Variants in GRB14 observed in about 807,000 individuals in gnomAD.
GRB14 encodes growth factor receptor-bound protein 14.
A neutral mutation model predicts 69.1 loss-of-function variants in GRB14; 38 were observed. That is an observed-to-expected ratio of 0.55 (90% confidence interval 0.42 to 0.72). The LOEUF (loss-of-function observed/expected upper bound fraction) is 0.72, where lower values mean the gene tolerates loss of function less well. Among genes scored for constraint, GRB14 ranks in the 30% least tolerant of loss-of-function variants. GRB14 has a pLI of 0.00. For synonymous variants in GRB14, 247 were observed against 241.3 expected (o/e 1.02, Z -0.22); for missense variants, 666 against 666.1 (o/e 1.00, Z 0.00).
At chr2:164,610,997 G>C (rs1248880683) in intron 2 of GRB14, among the ~76,000 whole-genome samples, 1 of 151,700 alleles carries the variant, frequency 6.6e-6, no homozygotes, top group Non-Finnish European at 1.5e-5. Flanking sequence ...AGGAGCCAGG[G>C]AAATAGGTTC....
At chr2:164,512,555 G>A (rs1335806935) in intron 6 of GRB14, among the ~76,000 whole-genome samples, 2 of 152,238 alleles carry the variant, frequency 1.3e-5, no homozygotes, top group Non-Finnish European at 2.9e-5. Flanking sequence ...TGCCCTGAGG[G>A]AAGGACACAA....
intron 2 of GRB14, among the ~76,000 whole-genome samples, chr2:164,609,931 T>G (rs1690127842): frequency 1.3e-5 from 2 of 152,310 alleles, no homozygotes; most frequent in South Asian, 4.1e-4. Flanking sequence ...AGAAAGAGGC[T>G]TAAGACATTA....
chr2:164,502,062 A>T (rs553242720), intron 9 of GRB14, among the ~76,000 whole-genome samples, 193 bp downstream of exon 9: 2 of 152,022 alleles, frequency 1.3e-5, no homozygotes, highest in South Asian at 4.1e-4. Context: ...ATATGATTTT[A>T]TCACATAGAT....
chr2:164,521,061 T>G (rs1367289552), intron 6 of GRB14, among the ~76,000 whole-genome samples: 1 of 152,130 alleles, frequency 6.6e-6, no homozygotes, highest in Non-Finnish European at 1.5e-5. Context: ...CACATGCAAG[T>G]TTATAGCAGC....
intron 5 of GRB14, among the ~76,000 whole-genome samples, chr2:164,523,628 A>G (rs1015132210): frequency 6.6e-6 from 1 of 152,086 alleles, no homozygotes; most frequent in South Asian, 2.1e-4. Context: ...AAAACAGGCA[A>G]GTAGGTTTTT....
intron 3 of GRB14, among the ~76,000 whole-genome samples, chr2:164,530,491 C>T (rs900228089): frequency 1.3e-4 from 19 of 151,788 alleles, no homozygotes; most frequent in Non-Finnish European, 1.0e-4. Context: ...AATAGAGCAG[C>T]GAAGAGAGAG....
intron 2 of GRB14, among the ~76,000 whole-genome samples, chr2:164,585,291 A>G (rs1295063187): frequency 2.6e-5 from 4 of 151,304 alleles, no homozygotes; most frequent in Non-Finnish European, 4.4e-5. Context: ...ACTTACTACC[A>G]TCAATCCCAA....
intron 2 of GRB14, among the ~76,000 whole-genome samples, chr2:164,575,436 A>G (rs904831268): frequency 8.5e-5 from 13 of 152,196 alleles, no homozygotes; most frequent in African/African-American, 3.1e-4. Context: ...TTATGTTGCT[A>G]TAATAAAACG....
chr2:164,563,943 G>T (rs1028494698), intron 2 of GRB14, among the ~76,000 whole-genome samples: 19 of 152,124 alleles, frequency 1.2e-4, no homozygotes, highest in Non-Finnish European at 2.1e-4. Flanking sequence ...CACACCTATG[G>T]ACGGCAATAT....
chr2:164,502,384 A>G, intron 8 of GRB14, 49 bp from the exon 9 acceptor site: 3 of 987,520 alleles, frequency 3.0e-6, no homozygotes, highest in Non-Finnish European at 4.9e-6. Context: ...TACTACTCTG[A>G]TAATCTATGA....
intron 2 of GRB14, among the ~76,000 whole-genome samples, chr2:164,598,309 A>T (rs934582059): frequency 3.5e-4 from 53 of 152,200 alleles, no homozygotes; most frequent in African/African-American, 1.2e-3. Context: ...TAGGTATTAA[A>T]TTGAATTTTG....
chr2:164,502,270 C>T lies in GRB14; in HGVS notation c.1089G>A (p.Gln363=), dbSNP rs752469025. ...TGGTCCTTACCATAGGTGATATGCT[C>T]TGTGAACTGCAGCCACTTCTACCTT... is the stretch of plus-strand genomic sequence containing the variant. ...PYQGRSGCSS[Q]SISPMRSISE... The change falls in exon 9 of 14, where the codon CAG becomes CAA. Residue 363 remains glutamine, a synonymous_variant. Transcript: ENST00000263915. 1.3e-6 allele frequency: 2 copies of T among 1,599,344 alleles called. No individual in the cohort carries two copies. Among genetic ancestry groups the T allele is most frequent in the Non-Finnish European group, 1.7e-6 (2 of 1,167,348 alleles).
chr2:164,595,965 A>AATACAAAAACT (rs2105348949), intron 2 of GRB14, among the ~76,000 whole-genome samples: 2 of 152,234 alleles, frequency 1.3e-5, no homozygotes, highest in African/African-American at 4.8e-5. Flanking sequence ...CTCTACTAAA[A>AATACAAAAACT]ATACAAAAAC....
At chr2:164,620,598 A>G (rs1257410486) in intron 1 of GRB14, among the ~76,000 whole-genome samples, 1 of 152,144 alleles carries the variant, frequency 6.6e-6, no homozygotes, top group Non-Finnish European at 1.5e-5. Context: ...TCTTTCCGAA[A>G]GTATGTGCAA....
intron 2 of GRB14, among the ~76,000 whole-genome samples, chr2:164,602,968 G>A (rs937599441): frequency 6.6e-6 from 1 of 152,104 alleles, no homozygotes; most frequent in Non-Finnish European, 1.5e-5. Flanking sequence ...CCAAAGTCAG[G>A]TAAGAAAAAG....
intron 2 of GRB14, among the ~76,000 whole-genome samples, chr2:164,559,251 T>C (rs1688759572): frequency 6.6e-6 from 1 of 152,048 alleles, no homozygotes; most frequent in Non-Finnish European, 1.5e-5. Context: ...GTAATTTTAC[T>C]TTTCCTTCAT....
At chr2:164,603,509 C>T (rs990239150) in intron 2 of GRB14, among the ~76,000 whole-genome samples, 3 of 151,922 alleles carry the variant, frequency 2.0e-5, no homozygotes, top group Admixed American at 2.0e-4. Context: ...GCTAAAAATA[C>T]AAAAATTAGC....
At chr2:164,547,968 T>A in intron 2 of GRB14, 152 bp from the exon 3 acceptor site, 1 of 536,816 alleles carries the variant, frequency 1.9e-6, no homozygotes, top group Non-Finnish European at 3.1e-6. Context: ...AATTAACATG[T>A]CTATCACCTC....
chr2:164,526,072 AAAAG>A (rs1298428811), intron 4 of GRB14, among the ~76,000 whole-genome samples: 1 of 152,140 alleles, frequency 6.6e-6, no homozygotes, highest in Non-Finnish European at 1.5e-5. Context: ...ACTCACAACA[AAAAG>A]AAACACTTTC....
Sources: gnomAD v4.1 joint callset for allele counts (sites outside exome capture counted in the v4.1 genomes callset) on GRCh38, gnomAD v4.1.1 for gene constraint, MANE v1.5 for transcripts, NCBI Gene and HGNC (gene_info 2026-07-23, HGNC 2026-07-21) for gene names.